The following MTMR8 variants were observed in gnomAD, a reference collection of about 807,000 sequenced individuals.
MTMR8 encodes phosphatidylinositol-3,5-bisphosphate 3-phosphatase MTMR8.
Under a neutral mutation model 39.3 loss-of-function variants are expected in MTMR8, and 65 were observed. That is an observed-to-expected ratio of 1.65 (90% CI 1.35 to 2.03). The LOEUF is 2.03. Ranked by LOEUF, MTMR8 falls within the 30% of genes most tolerant of loss-of-function variation. The pLI, the probability that MTMR8 is intolerant of heterozygous loss-of-function variation, is 0.00. For missense variants in MTMR8, 777 were observed against 538.9 expected, an observed-to-expected ratio of 1.44 and a Z score of -4.37; for synonymous variants, 245 against 185.2, an observed-to-expected ratio of 1.32 and a Z score of -2.62.
intron 10 of MTMR8, among the ~76,000 whole-genome samples, chrX:64,332,791 TC>T (rs1185559973): frequency 2.7e-5 from 3 of 111,741 alleles, no homozygotes; most frequent in Non-Finnish European, 3.8e-5. Flanking sequence ...TTACCTCTAC[TC>T]CAGCCTTTTG....
Position 64,368,290 on chromosome X carries a change from C to T in MTMR8, c.25-8763G>A, listed in dbSNP as rs374308133. On this transcript the variant is annotated intron_variant, in intron 1 of 13. Transcript: ENST00000374852. ...GTTCATACGGAATCAAAAAAGAGCCCGCATTGCCAAGACAATCGTAAGCAG... is the reference window on the plus strand; with the variant it reads ...GTTCATACGGAATCAAAAAAGAGCCTGCATTGCCAAGACAATCGTAAGCAG... Among the ~76,000 whole-genome samples, 201 of 111,662 alleles carry T rather than the reference C, an allele frequency of 1.8e-3. 4 individuals carry two copies. In the South Asian group the frequency reaches 0.061, roughly 34 times the overall value.
At chrX:64,349,131 T>C (rs868298661) in intron 5 of MTMR8, among the ~76,000 whole-genome samples, 39 of 111,769 alleles carry the variant, frequency 3.5e-4, no homozygotes, top group African/African-American at 1.2e-3. Context: ...CCCAGTAATA[T>C]TGCCCACATA....
chrX:64,293,095 T>C (rs16990392), intron 12 of MTMR8, among the ~76,000 whole-genome samples: 8,800 of 110,997 alleles, frequency 0.079, 937 homozygotes, highest in African/African-American at 0.28. Flanking sequence ...ACAGATGACC[T>C]GCAGCATGAT....
At chrX:64,383,090 C>T (rs1924473473) in intron 1 of MTMR8, among the ~76,000 whole-genome samples, 1 of 111,555 alleles carries the variant, frequency 9.0e-6, no homozygotes, top group Non-Finnish European at 1.9e-5. Flanking sequence ...CTTTACATGT[C>T]ATATTTCATT....
intron 1 of MTMR8, among the ~76,000 whole-genome samples, chrX:64,365,600 C>T (rs1381525974): frequency 9.0e-6 from 1 of 111,571 alleles, no homozygotes; most frequent in African/African-American, 3.3e-5. Flanking sequence ...TACAAGGGCT[C>T]CTGAAGGAAG....
chrX:64,325,681 C>T (rs1922770165), intron 12 of MTMR8, among the ~76,000 whole-genome samples: 1 of 112,161 alleles, frequency 8.9e-6, no homozygotes, highest in Non-Finnish European at 1.9e-5. Context: ...CAGCTAACAC[C>T]ATATTGAACA....
chrX:64,348,973 G>A (rs1923414957), intron 5 of MTMR8, among the ~76,000 whole-genome samples, 179 bp from the exon 6 acceptor site: 1 of 111,673 alleles, frequency 9.0e-6, no homozygotes, highest in Admixed American at 9.5e-5. Context: ...TTAACCTCCT[G>A]CCTACCCTGG....
chrX:64,275,649 A>G (rs866484334), intron 12 of MTMR8, among the ~76,000 whole-genome samples: 5,851 of 79,553 alleles, frequency 0.074, 536 homozygotes, highest in African/African-American at 0.48. Context: ...AGTCTCTCTC[A>G]AAAAAAAAAA....
At chrX:64,321,431 T>C (rs1012144666) in intron 12 of MTMR8, among the ~76,000 whole-genome samples, 2 of 111,628 alleles carry the variant, frequency 1.8e-5, no homozygotes, top group African/African-American at 6.5e-5. Context: ...AAAAGTACAA[T>C]AATTGAAATG....
intron 12 of MTMR8, among the ~76,000 whole-genome samples, chrX:64,293,581 G>T (rs953961267): frequency 1.8e-5 from 2 of 111,332 alleles, no homozygotes; most frequent in Non-Finnish European, 3.8e-5. Flanking sequence ...TCCTCCAGTG[G>T]CAGGGACCCA....
chrX:64,337,358 ATGGACTAAGACAC>A lies in MTMR8; in HGVS notation c.998_1010del (p.Ser333IlefsTer20), dbSNP rs1250915192. ...CTGTGCGGTCCCATCCATCAGAACA[ATGGACTAAGACAC>A]TGGCCTTTTCTACCTTCACTGCCTG... On this transcript the variant is annotated frameshift_variant, in exon 9 of 14. Coordinates refer to ENST00000374852, the MANE Select transcript of MTMR8 (RefSeq NM_017677.4). LOFTEE classifies it high-confidence loss of function. 1 of 1,208,376 alleles carries A rather than the reference ATGGACTAAGACAC, an allele frequency of 8.3e-7. No homozygotes were observed. Among genetic ancestry groups the A allele is most frequent in the Non-Finnish European group, 1.1e-6 (1 of 894,512 alleles).
intron 10 of MTMR8, among the ~76,000 whole-genome samples, chrX:64,332,504 G>A (rs781359456): frequency 2.6e-4 from 29 of 111,950 alleles, no homozygotes; most frequent in African/African-American, 4.5e-4. Flanking sequence ...CTAAAACAAA[G>A]CAGAGGTGGG....
At chrX:64,379,961 G>A (rs189423471) in intron 1 of MTMR8, among the ~76,000 whole-genome samples, 1 of 110,893 alleles carries the variant, frequency 9.0e-6, no homozygotes, top group Non-Finnish European at 1.9e-5. Context: ...ATGAAGAAAA[G>A]CATTTGACAA....
chrX:64,337,417 G>T, intron 8 of MTMR8, 24 bp from the exon 9 acceptor site: 1 of 1,201,526 alleles, frequency 8.3e-7, no homozygotes, highest in Non-Finnish European at 1.1e-6. Flanking sequence ...AGGCAAAAAA[G>T]TACCACAAGC....
intron 12 of MTMR8, among the ~76,000 whole-genome samples, chrX:64,313,284 A>G (rs962544736): frequency 8.9e-6 from 1 of 112,517 alleles, no homozygotes; most frequent in Non-Finnish European, 1.9e-5. Flanking sequence ...CTTCTACATC[A>G]GTACTTGTTG....
intron 1 of MTMR8, 30 bp from the exon 2 acceptor site, chrX:64,359,557 G>A: frequency 8.5e-7 from 1 of 1,176,237 alleles, no homozygotes; most frequent in Non-Finnish European, 1.1e-6. Context: ...TACTGAATAA[G>A]TTACCAACTC....
chrX:64,286,787 A>G (rs1199317603), intron 12 of MTMR8, among the ~76,000 whole-genome samples: 1 of 111,694 alleles, frequency 9.0e-6, no homozygotes, highest in Non-Finnish European at 1.9e-5. Context: ...AACTCTCAAT[A>G]AATTAGGTAT....
intron 1 of MTMR8, among the ~76,000 whole-genome samples, chrX:64,389,512 T>C (rs1426591840): frequency 1.8e-5 from 2 of 111,460 alleles, no homozygotes; most frequent in Admixed American, 1.9e-4. Flanking sequence ...AAGGAGTGGG[T>C]TTTGGTGGTG....
Position 64,320,974 on chromosome X carries a change from G to T in MTMR8, c.1481+7798C>A, listed in dbSNP as rs763369546. The stretch of plus-strand genomic sequence containing the variant: ...TCTGAGAACTAAGCTAACTGACAGA[G>T]AATTCACTGACTACATGTGGCAAAT... On this transcript the variant is annotated intron_variant, in intron 12 of 13. Transcript: ENST00000374852. 2.7e-5 allele frequency among the ~76,000 whole-genome samples: 3 copies of T among 111,936 alleles called. No individual in the cohort carries two copies. In the South Asian group the frequency reaches 1.1e-3, roughly 41 times the overall value.
Sources: gnomAD v4.1 joint callset for allele counts (sites outside exome capture counted in the v4.1 genomes callset) on GRCh38, gnomAD v4.1.1 for gene constraint, MANE v1.5 for transcripts, NCBI Gene and HGNC (gene_info 2026-07-23, HGNC 2026-07-21) for gene names.